HAUS6: variants seen among roughly 807,000 people sequenced by gnomAD.
HAUS6 encodes the protein HAUS augmin like complex subunit 6.
Under a neutral mutation model 106.8 loss-of-function variants are expected in HAUS6, and 80 were observed. That is an observed-to-expected ratio of 0.75 (90% CI 0.63 to 0.90). The LOEUF (loss-of-function observed/expected upper bound fraction) is 0.90. Ranked by LOEUF, HAUS6 falls within the 40% of genes least tolerant of loss-of-function variation. The pLI is 0.00. For missense variants in HAUS6, 1,155 were observed against 1,118.1 expected, an observed-to-expected ratio of 1.03 and a Z score of -0.47; for synonymous variants, 356 against 379.1, an observed-to-expected ratio of 0.94 and a Z score of 0.71.
At chr9:19,101,761 G>C (rs1260732907) in intron 1 of HAUS6, among the ~76,000 whole-genome samples, 1 of 152,060 alleles carries the variant, frequency 6.6e-6, no homozygotes, top group African/African-American at 2.4e-5. Flanking sequence ...CTCTACTAAA[G>C]ATACAAAAAT....
chr9:19,102,392 G>A (rs1818008753), intron 1 of HAUS6, 132 bp downstream of exon 1: 3 of 992,186 alleles, frequency 3.0e-6, no homozygotes, highest in East Asian at 2.5e-5. Flanking sequence ...TAGGAACTTT[G>A]GAGCCAATGC....
chr9:19,099,068 T>A (rs1242748408), intron 1 of HAUS6, among the ~76,000 whole-genome samples: 1 of 147,720 alleles, frequency 6.8e-6, no homozygotes, highest in Non-Finnish European at 1.5e-5. Context: ...CACTACAGGG[T>A]CATAGAAACA....
intron 13 of HAUS6, 42 bp from the exon 14 acceptor site, chr9:19,063,235 T>C (rs747159167): frequency 5.5e-6 from 7 of 1,281,250 alleles, no homozygotes; most frequent in Admixed American, 2.3e-5. Context: ...TTAATAATCA[T>C]GGCTGATCCT....
intron 11 of HAUS6, among the ~76,000 whole-genome samples, chr9:19,072,848 T>C (rs1377639042): frequency 6.6e-6 from 1 of 152,104 alleles, no homozygotes; most frequent in African/African-American, 2.4e-5. Context: ...TTTCTATCAA[T>C]GTCATTAAAA....
chr9:19,077,560 C>T (rs1837037963), intron 10 of HAUS6, among the ~76,000 whole-genome samples: 1 of 151,972 alleles, frequency 6.6e-6, no homozygotes, highest in Admixed American at 6.6e-5. Flanking sequence ...TAATTGTTTT[C>T]TTTTTCATAC....
Position 19,063,543 on chromosome 9 carries a change from C to G in HAUS6, c.1414G>C (p.Asp472His), listed in dbSNP as rs368253283. The change falls in exon 13 of 17, where the codon GAT becomes CAT. Residue 472 changes from aspartate to histidine, a missense_variant. Asp to His is a moderately conservative substitution (Grantham distance 81). Transcript: ENST00000380502. ...SFLSQSVSSS[D>H]RNSVTVLEKD... ...TCAAGTACTGTAACACTGTTTCTAT[C>G]TGATGATGAAACTGACTGCGACAAG... is the stretch of plus-strand genomic sequence containing the variant. 3.7e-6 allele frequency: 6 copies of G among 1,603,586 alleles called. No individual in the cohort carries two copies. The Admixed American group carries it at 6.7e-5, about 18-fold the overall frequency.
chr9:19,080,090 C>T lies in HAUS6; in HGVS notation c.1064+389G>A, dbSNP rs1297047038. On this transcript the variant is annotated intron_variant, in intron 9 of 16. Transcript: ENST00000380502. ...TCAAGAGGCTGAGGCAGGAGAATCA[C>T]TTGAACTCAGGAGGCAGGGGTTGTG... is the stretch of plus-strand genomic sequence containing the variant. Among the ~76,000 whole-genome samples, 12 of 142,246 alleles carry T rather than the reference C, an allele frequency of 8.4e-5. No homozygotes were observed. The East Asian group carries it at 1.9e-3, about 23-fold the overall frequency. The allele number at this position is 142,246 out of a possible 152,430, so 93.3% of individuals were successfully genotyped here. A position where few individuals can be genotyped will look rare whatever the true frequency, so the allele number is the denominator to read the frequency against.
At chr9:19,082,795 G>A in intron 8 of HAUS6, 78 bp downstream of exon 8, 1 of 752,384 alleles carries the variant, frequency 1.3e-6, no homozygotes, top group Non-Finnish European at 2.0e-6. Flanking sequence ...AATTCTGAAA[G>A]CAGAAGAACA....
intron 11 of HAUS6, chr9:19,073,815 C>G (rs1427281730): frequency 6.6e-6 from 1 of 152,094 alleles, no homozygotes; most frequent in East Asian, 1.9e-4. Flanking sequence ...ACAATGCAGC[C>G]TTTTATTTTT....
At chr9:19,088,469 T>C (rs1007437137) in intron 5 of HAUS6, among the ~76,000 whole-genome samples, 2 of 149,670 alleles carry the variant, frequency 1.3e-5, no homozygotes, top group African/African-American at 4.9e-5. Flanking sequence ...ATTTACAGAA[T>C]GAAATAGCAA....
chr9:19,068,029 G>GT (rs775296555), intron 12 of HAUS6, among the ~76,000 whole-genome samples: 8 of 151,804 alleles, frequency 5.3e-5, no homozygotes, highest in Non-Finnish European at 1.0e-4. Flanking sequence ...GTTTAATGGG[G>GT]TTCATGAATA....
intron 5 of HAUS6, among the ~76,000 whole-genome samples, chr9:19,087,794 A>C (rs1817647502): frequency 6.7e-6 from 1 of 149,668 alleles, no homozygotes; most frequent in South Asian, 2.1e-4. Flanking sequence ...CGTGAGTCAT[A>C]ATCATGCCAC....
At chr9:19,089,654 T>A in intron 4 of HAUS6, 95 bp from the exon 5 acceptor site, 2 of 827,866 alleles carry the variant, frequency 2.4e-6, no homozygotes, top group East Asian at 2.8e-5. Flanking sequence ...GTTGGTGGTA[T>A]ACAATCTCCC....
intron 11 of HAUS6, among the ~76,000 whole-genome samples, chr9:19,074,491 C>T (rs567602659): frequency 1.3e-5 from 2 of 152,152 alleles, no homozygotes; most frequent in Admixed American, 6.5e-5. Flanking sequence ...AGGCTGGTCT[C>T]GAACTCCTGG....
At chr9:19,091,490 G>C (rs959228356) in intron 4 of HAUS6, among the ~76,000 whole-genome samples, 4 of 152,090 alleles carry the variant, frequency 2.6e-5, no homozygotes, top group East Asian at 1.9e-4. Context: ...AAAATAGTTT[G>C]TATTACATGT....
At position 19,076,719 on chromosome 9, in the gene HAUS6, T is replaced by C; in HGVS notation, c.1192-15A>G. The stretch of plus-strand genomic sequence containing the variant: ...AGATCTACAGACTTAAAACAGAAAA[T>C]TCACAATTTTGAAGTAAACATATTT... On this transcript the variant is annotated splice_polypyrimidine_tract_variant and intron_variant, in intron 10 of 16. Transcript: ENST00000380502. 1 of 1,225,762 alleles carries C rather than the reference T, an allele frequency of 8.2e-7. No individual in the cohort carries two copies. The highest frequency in any genetic ancestry group is 1.2e-5 in the South Asian group (1 of 81,142). 75.9% of individuals were successfully genotyped at this position (1,225,762 alleles called of 1,614,324 possible).
Position 19,083,046 on chromosome 9 carries a change from T to G in HAUS6, c.700-3A>C. 6.4e-7 allele frequency: 1 copy of G among 1,568,968 alleles called. No homozygotes were observed. Among genetic ancestry groups the G allele is most frequent in the Non-Finnish European group, 8.6e-7 (1 of 1,160,830 alleles). On this transcript the variant is annotated splice_polypyrimidine_tract_variant and splice_region_variant and intron_variant, in intron 7 of 16. Transcript: ENST00000380502. ...ACTGAAGCCCACAAAGACCGAACCT[T>G]TGGAAACAGAAACAAAATATTAAAG...
At position 19,053,502 on chromosome 9, in the gene HAUS6, A is replaced by C. The variant is rs1836402164; in HGVS notation, c.*2841T>G. 6.6e-6 allele frequency: 1 copy of C among 152,162 alleles called. No individual in the cohort carries two copies. The highest frequency in any genetic ancestry group is 1.5e-5 in the Non-Finnish European group (1 of 67,994). The allele number at this position is 152,162 out of a possible 1,614,324, so 9.4% of individuals were successfully genotyped here. ...TCAAAATACTCATATTTTTGTTTTC[A>C]GCTCAATTTCCCCCAAATGTTAACT... On this transcript the variant is annotated 3_prime_UTR_variant, in exon 17 of 17. Transcript: ENST00000380502.
intron 11 of HAUS6, 95 bp from the exon 12 acceptor site, chr9:19,070,395 A>G: frequency 2.8e-6 from 2 of 721,706 alleles, no homozygotes; most frequent in South Asian, 1.7e-5. Flanking sequence ...TGTAAACAGA[A>G]GAAAACAGAA....
Sources: gnomAD v4.1 joint callset for allele counts (sites outside exome capture counted in the v4.1 genomes callset) on GRCh38, gnomAD v4.1.1 for gene constraint, MANE v1.5 for transcripts, NCBI Gene and HGNC (gene_info 2026-07-23, HGNC 2026-07-21) for gene names.